The following PAPPA2 variants were observed in gnomAD, a reference collection of about 807,000 sequenced individuals.
The protein encoded by PAPPA2 is pappalysin 2.
A neutral mutation model predicts 176.4 loss-of-function variants in PAPPA2; 86 were observed. The observed-to-expected ratio is 0.49, with a 90% confidence interval of 0.41 to 0.58. The LOEUF is 0.58. Ranked by LOEUF, PAPPA2 falls within the 20% of genes least tolerant of loss-of-function variation. The pLI, the probability that PAPPA2 is intolerant of heterozygous loss-of-function variation, is 0.00. For missense variants in PAPPA2, 2,073 were observed against 2,256.9 expected (o/e 0.92, Z 1.65); for synonymous variants, 809 against 852.2 (o/e 0.95, Z 0.88).
intron 12 of PAPPA2, among the ~76,000 whole-genome samples, chr1:176,725,634 G>C (rs1209446935): frequency 6.6e-6 from 1 of 152,190 alleles, no homozygotes; most frequent in Non-Finnish European, 1.5e-5. Flanking sequence ...AGGAGATAGA[G>C]ATAAGCATTA....
chr1:176,716,225 C>T (rs1661361286), intron 12 of PAPPA2, among the ~76,000 whole-genome samples: 1 of 145,782 alleles, frequency 6.9e-6, no homozygotes, highest in Non-Finnish European at 1.5e-5. Context: ...CCAATTTAAC[C>T]TCTTTCTTTT....
intron 12 of PAPPA2, among the ~76,000 whole-genome samples, chr1:176,716,896 A>C (rs791034): frequency 0.88 from 134,348 of 152,012 alleles, 59,477 homozygotes; most frequent in East Asian, 0.98. Flanking sequence ...CAGGTGTGAG[A>C]CACTGCGCCC....
At chr1:176,694,645 C>A (rs1447039691) in intron 6 of PAPPA2, among the ~76,000 whole-genome samples, 1 of 152,200 alleles carries the variant, frequency 6.6e-6, no homozygotes, top group Non-Finnish European at 1.5e-5. Flanking sequence ...GCATCAGAGG[C>A]AAGCCCCTTG....
At position 176,814,801 on chromosome 1, in the gene PAPPA2, C is replaced by A. The variant is rs183529335; in HGVS notation, c.5202+14669C>A. Among the ~76,000 whole-genome samples, 5 of 152,272 alleles carry A rather than the reference C, an allele frequency of 3.3e-5. No homozygotes were observed. In the East Asian group the frequency reaches 9.6e-4, roughly 29 times the overall value. ...TCTTTCTCTTGCCTGATTGCCCTGGCCAGAACTTTCAATACTGTGTTGAAT... is the reference window on the plus strand; with the variant it reads ...TCTTTCTCTTGCCTGATTGCCCTGGACAGAACTTTCAATACTGTGTTGAAT... On this transcript the variant is annotated intron_variant, in intron 21 of 22. Coordinates refer to ENST00000367662, the MANE Select transcript of PAPPA2 (RefSeq NM_020318.3).
chr1:176,518,466 AAAAC>A lies in PAPPA2; in HGVS notation c.-916-36932_-916-36929del, dbSNP rs765833354. ...AGCTTGACAGGTAAAAAAAAAAAAA[AAAAC>A]AAACAAACTTACCAGAAGACACCCT... On this transcript the variant is annotated intron_variant, in intron 1 of 22. Transcript: ENST00000367662. 1.0e-3 allele frequency among the ~76,000 whole-genome samples: 157 copies of A among 151,932 alleles called. 4 individuals carry two copies. The East Asian group carries it at 0.027, about 27-fold the overall frequency.
chr1:176,661,468 G>T (rs1485572877), intron 3 of PAPPA2, among the ~76,000 whole-genome samples: 1 of 151,054 alleles, frequency 6.6e-6, no homozygotes, highest in Non-Finnish European at 1.5e-5. Flanking sequence ...CCAGTTTCAG[G>T]GACATGCTGC....
At chr1:176,746,605 ATAT>A (rs1427177219) in intron 14 of PAPPA2, among the ~76,000 whole-genome samples, 1 of 152,166 alleles carries the variant, frequency 6.6e-6, no homozygotes, top group East Asian at 1.9e-4. Context: ...TTAGAAATTC[ATAT>A]TTTTTTAATG....
intron 21 of PAPPA2, among the ~76,000 whole-genome samples, chr1:176,820,095 A>T (rs1666595907): frequency 6.6e-6 from 1 of 152,176 alleles, no homozygotes. Context: ...GTGACAAGAA[A>T]ACAGCAAATA....
chr1:176,674,734 G>GTTTTTTTTTTT (rs765026167), intron 4 of PAPPA2, among the ~76,000 whole-genome samples: 1 of 137,268 alleles, frequency 7.3e-6, no homozygotes. Context: ...GTGTGCAAGT[G>GTTTTTTTTTTT]TTTTTTTTTT....
intron 1 of PAPPA2, among the ~76,000 whole-genome samples, chr1:176,506,169 G>A (rs1572979575): frequency 6.6e-6 from 1 of 152,054 alleles, no homozygotes; most frequent in African/African-American, 2.4e-5. Flanking sequence ...TAAGTGTACA[G>A]CTTCATTTCT....
rs368612783 is a variant in PAPPA2, at chr1:176,584,517, G to A, written c.920-10007G>A. 6.6e-5 allele frequency among the ~76,000 whole-genome samples: 10 copies of A among 151,728 alleles called. No homozygotes were observed. The East Asian group carries it at 1.8e-3, about 27-fold the overall frequency. On this transcript the variant is annotated intron_variant, in intron 2 of 22. Transcript: ENST00000367662. ...ATTGTTTTTCACTTTCAGTCTATGT[G>A]TGTCTTTACAGGTGAATTGAGTTTC...
chr1:176,625,302 G>A (rs1655943810), intron 3 of PAPPA2, among the ~76,000 whole-genome samples: 1 of 152,164 alleles, frequency 6.6e-6, no homozygotes, highest in South Asian at 2.1e-4. Context: ...GAAGGAGTGA[G>A]GAAGGCAGAG....
At chr1:176,649,354 G>A (rs1353604759) in intron 3 of PAPPA2, among the ~76,000 whole-genome samples, 2 of 149,418 alleles carry the variant, frequency 1.3e-5, no homozygotes, top group Non-Finnish European at 3.0e-5. Context: ...CTAATAGTTT[G>A]CATATTTTAT....
intron 2 of PAPPA2, among the ~76,000 whole-genome samples, chr1:176,570,892 C>T (rs1652286591): frequency 6.6e-6 from 1 of 152,136 alleles, no homozygotes; most frequent in South Asian, 2.1e-4. Context: ...CCCCGCCCTT[C>T]TGTGAACATC....
intron 1 of PAPPA2, among the ~76,000 whole-genome samples, chr1:176,551,318 A>G (rs949480818): frequency 6.6e-6 from 1 of 152,182 alleles, no homozygotes; most frequent in Non-Finnish European, 1.5e-5. Context: ...TTTAGACTGC[A>G]AGTAGCTAAA....
intron 14 of PAPPA2, among the ~76,000 whole-genome samples, chr1:176,763,167 A>T (rs1383447564): frequency 6.6e-6 from 1 of 152,228 alleles, no homozygotes; most frequent in Non-Finnish European, 1.5e-5. Flanking sequence ...TTGATAAAGT[A>T]GTTGACCACT....
intron 5 of PAPPA2, among the ~76,000 whole-genome samples, chr1:176,691,491 G>A (rs1660120350): frequency 6.6e-6 from 1 of 152,234 alleles, no homozygotes; most frequent in Non-Finnish European, 1.5e-5. Flanking sequence ...AGCTCTGGAG[G>A]CAGCACCTTT....
intron 1 of PAPPA2, among the ~76,000 whole-genome samples, chr1:176,463,995 G>C (rs1651497909): frequency 1.3e-5 from 2 of 152,198 alleles, no homozygotes; most frequent in Non-Finnish European, 2.9e-5. Flanking sequence ...AGTGAGGGAG[G>C]ATATAATTGA....
At chr1:176,738,735 GA>G in intron 12 of PAPPA2, among the ~76,000 whole-genome samples, 1 of 152,250 alleles carries the variant, frequency 6.6e-6, no homozygotes, top group East Asian at 1.9e-4. Context: ...AACAAAAGTA[GA>G]ATTACCATAT....
Sources: gnomAD v4.1 joint callset for allele counts (sites outside exome capture counted in the v4.1 genomes callset) on GRCh38, gnomAD v4.1.1 for gene constraint, MANE v1.5 for transcripts, NCBI Gene and HGNC (gene_info 2026-07-23, HGNC 2026-07-21) for gene names.